Variants in PDE1A observed in about 807,000 individuals in gnomAD.
PDE1A encodes the protein dual specificity calcium/calmodulin-dependent 3',5'-cyclic nucleotide phosphodiesterase 1A.
Under a neutral mutation model 61.7 loss-of-function variants are expected in PDE1A, and 35 were observed. The observed-to-expected ratio is 0.57, with a 90% CI of 0.43 to 0.75. The LOEUF (loss-of-function observed/expected upper bound fraction) is 0.75. Among genes scored for constraint, PDE1A ranks in the 30% least tolerant of loss-of-function variants. The pLI is 0.00. For missense variants in PDE1A, 597 were observed against 630.6 expected (o/e 0.95, Z 0.57); for synonymous variants, 232 against 213.2 (o/e 1.09, Z -0.77).
chr2:182,181,749 A>C (rs1684780114), intron 13 of PDE1A, among the ~76,000 whole-genome samples: 1 of 152,128 alleles, frequency 6.6e-6, no homozygotes, highest in African/African-American at 2.4e-5. Flanking sequence ...GAGCTGCTGG[A>C]TTTCCTGCAG....
chr2:182,500,875 T>C (rs1230992163), intron 2 of PDE1A, among the ~76,000 whole-genome samples: 4 of 152,130 alleles, frequency 2.6e-5, no homozygotes, highest in African/African-American at 7.2e-5. Context: ...CTTTCACTTC[T>C]CCTCACACCT....
chr2:182,402,391 C>A (rs1023202507), intron 1 of PDE1A, among the ~76,000 whole-genome samples: 1 of 152,200 alleles, frequency 6.6e-6, no homozygotes, highest in African/African-American at 2.4e-5. Flanking sequence ...ACCATCTGAT[C>A]TTTGACAAAC....
the PDE1A span, among the ~76,000 whole-genome samples, chr2:182,568,631 C>T: frequency 1.3e-4 from 20 of 152,138 alleles, no homozygotes; most frequent in Non-Finnish European, 2.6e-4. Flanking sequence ...CACCACTGCC[C>T]TCCAGCCTGG....
chr2:182,389,124 AATG>A (rs1426316943), intron 1 of PDE1A, among the ~76,000 whole-genome samples: 1 of 152,202 alleles, frequency 6.6e-6, no homozygotes, highest in Non-Finnish European at 1.5e-5. Flanking sequence ...TTTTGTAAGT[AATG>A]ATACCAACCA....
the PDE1A span, among the ~76,000 whole-genome samples, chr2:182,589,888 TATACTTACTAGTATA>T: frequency 6.6e-6 from 1 of 152,340 alleles, no homozygotes; most frequent in Non-Finnish European, 1.5e-5. Context: ...TAGGATAACA[TATACTTACTAGTATA>T]ATAATCAGCC....
intron 1 of PDE1A, among the ~76,000 whole-genome samples, chr2:182,378,643 G>A (rs1700555578): frequency 6.6e-6 from 1 of 152,164 alleles, no homozygotes; most frequent in Admixed American, 6.5e-5. Context: ...AGACCCGTTT[G>A]CATGTTACTG....
chr2:182,334,325 A>G (rs1412277246), intron 1 of PDE1A, among the ~76,000 whole-genome samples: 2 of 151,970 alleles, frequency 1.3e-5, no homozygotes, highest in Non-Finnish European at 1.5e-5. Flanking sequence ...AAAAGAAAGA[A>G]AGAAAATTTC....
the PDE1A span, among the ~76,000 whole-genome samples, chr2:182,694,813 G>GA: frequency 4.6e-5 from 4 of 87,574 alleles, no homozygotes; most frequent in South Asian, 1.0e-3. Flanking sequence ...TTACATAGAG[G>GA]AAAAAAAAAG....
chr2:182,161,964 C>T (rs909261365), intron 13 of PDE1A, among the ~76,000 whole-genome samples: 2 of 152,056 alleles, frequency 1.3e-5, no homozygotes, highest in African/African-American at 4.8e-5. Context: ...GCTGGGGATG[C>T]CTGATCTACC....
the PDE1A span, among the ~76,000 whole-genome samples, chr2:182,618,497 C>T: frequency 6.6e-6 from 1 of 151,894 alleles, no homozygotes; most frequent in Non-Finnish European, 1.5e-5. Context: ...GTGAGCAACA[C>T]AGTGGCATTC....
At chr2:182,279,658 G>C (rs2125845999) in intron 1 of PDE1A, among the ~76,000 whole-genome samples, 1 of 151,608 alleles carries the variant, frequency 6.6e-6, no homozygotes, top group Admixed American at 6.6e-5. Flanking sequence ...ATCTTTATTG[G>C]AGTAAATTAT....
the PDE1A span, among the ~76,000 whole-genome samples, chr2:182,652,203 C>T: frequency 6.6e-6 from 1 of 152,136 alleles, no homozygotes. Context: ...AGCTTCTTTG[C>T]CAATGTTTTC....
At chr2:182,560,064 CTTT>C in the PDE1A span, among the ~76,000 whole-genome samples, 1 of 140,380 alleles carries the variant, frequency 7.1e-6, no homozygotes, top group African/African-American at 2.7e-5. Flanking sequence ...GATAGGGATT[CTTT>C]TTTTTTTTTT....
the PDE1A span, among the ~76,000 whole-genome samples, chr2:182,632,163 G>C: frequency 2.6e-5 from 4 of 152,188 alleles, 1 homozygote; most frequent in African/African-American, 9.6e-5. Flanking sequence ...GAGACAGAGA[G>C]AGAGATTTTT....
the PDE1A span, among the ~76,000 whole-genome samples, chr2:182,563,003 C>A: frequency 6.6e-6 from 1 of 152,156 alleles, no homozygotes; most frequent in African/African-American, 2.4e-5. Flanking sequence ...TTTCGAAAAA[C>A]CACCTCCTGG....
Position 182,186,455 on chromosome 2 carries a change from G to C in PDE1A, c.1328+13C>G, listed in dbSNP as rs970674395. 16 of 1,606,610 alleles carry C rather than the reference G, an allele frequency of 1.0e-5. No homozygotes were observed. The highest frequency in any genetic ancestry group is 1.3e-5 in the Non-Finnish European group (15 of 1,178,352). On this transcript the variant is annotated intron_variant, in intron 12 of 13. Coordinates refer to ENST00000351439, the Ensembl canonical transcript of PDE1A. ...CAAAGATGAAAAATAATGCAAAAAAGAAAATATCATACCTGCTTGCCACAT... is the reference window on the plus strand; with the variant it reads ...CAAAGATGAAAAATAATGCAAAAAACAAAATATCATACCTGCTTGCCACAT...
intron 13 of PDE1A, among the ~76,000 whole-genome samples, chr2:182,149,080 A>C (rs892045652): frequency 1.3e-5 from 2 of 152,196 alleles, no homozygotes; most frequent in African/African-American, 4.8e-5. Flanking sequence ...ATTCTGATTT[A>C]ATATTCTGTT....
chr2:182,699,596 T>A, the PDE1A span, among the ~76,000 whole-genome samples: 2 of 152,180 alleles, frequency 1.3e-5, no homozygotes, highest in Non-Finnish European at 2.9e-5. Context: ...AGGAGGCTAG[T>A]TAGAGTATGT....
intron 13 of PDE1A, among the ~76,000 whole-genome samples, chr2:182,184,638 T>C (rs767417238): frequency 6.6e-6 from 1 of 152,076 alleles, no homozygotes; most frequent in Non-Finnish European, 1.5e-5. Flanking sequence ...CAAGAAGAAA[T>C]GAAGAATATC....
Sources: allele counts gnomAD v4.1 joint callset (sites outside exome capture counted in the v4.1 genomes callset), GRCh38; gene constraint gnomAD v4.1.1; transcripts MANE v1.5; gene names NCBI Gene and HGNC (gene_info 2026-07-23, HGNC 2026-07-21).